Variants in SYTL5 observed in about 807,000 individuals in gnomAD.
SYTL5 encodes synaptotagmin like 5, also known as synaptotagmin-like protein 5.
Under a neutral mutation model 55.9 loss-of-function variants are expected in SYTL5, and 34 were observed. That is an observed-to-expected ratio of 0.61 (90% CI 0.46 to 0.81). The LOEUF (loss-of-function observed/expected upper bound fraction) is 0.81. Ranked by LOEUF, SYTL5 falls within the 30% of genes least tolerant of loss-of-function variation. SYTL5 has a pLI of 0.00. For synonymous variants in SYTL5, 221 were observed against 188.7 expected (o/e 1.17, Z -1.40); for missense variants, 637 against 546.7 (o/e 1.17, Z -1.65).
chrX:38,077,002 A>G (rs977405851), intron 6 of SYTL5, among the ~76,000 whole-genome samples: 2 of 112,003 alleles, frequency 1.8e-5, no homozygotes, highest in Non-Finnish European at 3.8e-5. Flanking sequence ...TGACTTCTTG[A>G]GCTTTTTCTA....
chrX:37,903,141 G>T, the SYTL5 span, among the ~76,000 whole-genome samples: 1 of 111,137 alleles, frequency 9.0e-6, no homozygotes, highest in Non-Finnish European at 1.9e-5. Context: ...AGTCAGTGTG[G>T]CGATTCCTCA....
the SYTL5 span, among the ~76,000 whole-genome samples, chrX:37,927,028 T>C: frequency 2.7e-5 from 3 of 111,952 alleles, no homozygotes; most frequent in Admixed American, 9.5e-5. Flanking sequence ...AAGCCTGTAT[T>C]GAATCTTCTT....
the SYTL5 span, among the ~76,000 whole-genome samples, chrX:37,911,836 T>C: frequency 2.7e-5 from 3 of 112,230 alleles, no homozygotes; most frequent in East Asian, 8.3e-4. Flanking sequence ...ATGTATATTG[T>C]ATACACACAG....
chrX:38,120,363 G>T lies in SYTL5; in HGVS notation c.1602G>T (p.Glu534Asp), dbSNP rs1569194277. ...ACTTGTTTCTCCTTGGCCAGGTGGA[G>T]TTTGCTCCTGATATTGGCCTTCAAT... ...DEWFVLQPKV[E>D]FAPDIGLQYK... The change falls in exon 14 of 17, where the codon GAG (glutamate) becomes GAT (aspartate). Residue 534 changes from glutamate (E) to aspartate (D), a missense_variant. Physicochemically the swap from Glu to Asp is conservative, Grantham distance 45 (BLOSUM62 2). Transcript: ENST00000297875. The T allele has an allele frequency of 1.7e-6, 2 of 1,208,011 alleles. No individual in the cohort carries two copies. Among genetic ancestry groups the T allele is most frequent in the South Asian group, 1.8e-5 (1 of 56,865 alleles).
chrX:37,897,027 C>T, the SYTL5 span, among the ~76,000 whole-genome samples: 1 of 111,411 alleles, frequency 9.0e-6, no homozygotes, highest in Non-Finnish European at 1.9e-5. Flanking sequence ...TGAGAAGATA[C>T]ATTTGAACAA....
At chrX:37,894,853 C>T in the SYTL5 span, among the ~76,000 whole-genome samples, 4 of 110,538 alleles carry the variant, frequency 3.6e-5, no homozygotes, top group East Asian at 5.8e-4. Context: ...TTCTCTTGCC[C>T]GATTAGTGAC....
chrX:37,992,314 G>A, the SYTL5 span, among the ~76,000 whole-genome samples: 1 of 112,819 alleles, frequency 8.9e-6, no homozygotes, highest in Admixed American at 9.3e-5. Context: ...CCACATTTTA[G>A]GTTTCCACCT....
At position 38,031,859 on chromosome X, in the gene SYTL5, T is replaced by A. The variant is rs180807291; in HGVS notation, c.-356-1675T>A. The stretch of plus-strand genomic sequence containing the variant: ...AAACTTGGAGCACTCTGGGCCTTGT[T>A]GCCTCTAGAGCTTTCAAGATGGAGG... On this transcript the variant is annotated intron_variant, in intron 1 of 16. Transcript: ENST00000297875. Among the ~76,000 whole-genome samples, 190 of 112,385 alleles carry A rather than the reference T, an allele frequency of 1.7e-3. 1 individual carries two copies. The highest frequency in any genetic ancestry group is 3.0e-3 in the Non-Finnish European group (158 of 53,260).
At chrX:38,052,847 G>A (rs773981398) in intron 2 of SYTL5, among the ~76,000 whole-genome samples, 3 of 111,447 alleles carry the variant, frequency 2.7e-5, no homozygotes, top group African/African-American at 9.8e-5. Flanking sequence ...GAAGAGATTG[G>A]CTCAGTAGCA....
chrX:37,894,731 G>C, the SYTL5 span, among the ~76,000 whole-genome samples: 1 of 111,737 alleles, frequency 8.9e-6, no homozygotes, highest in Admixed American at 9.5e-5. Context: ...AGGGAAGCTT[G>C]CTCTCACCAA....
Position 38,054,380 on chromosome X carries a change from G to T in SYTL5, c.287G>T (p.Gly96Val), listed in dbSNP as rs1935714483. 1.7e-6 allele frequency: 2 copies of T among 1,209,576 alleles called. No homozygotes were observed. The highest frequency in any genetic ancestry group is 2.2e-5 in the Admixed American group (1 of 45,679). ...LRVCRECRVA[G>V]PNGSWKCTVC... ...GTATGCAGGGAGTGTCGAGTTGCAG[G>T]CCCCAATGGCAGCTGGAAGTGCACT... Residue 96 changes from glycine to valine, a missense_variant, in exon 3 of 17, where the codon GGC becomes GTC. Transcript: ENST00000297875.
Position 38,126,487 on chromosome X carries a change from G to C in SYTL5, c.2051-101G>C, listed in dbSNP as rs773050073. 58 of 836,911 alleles carry C rather than the reference G, an allele frequency of 6.9e-5. No homozygotes were observed. The South Asian group carries it at 1.2e-3, about 18-fold the overall frequency. The allele number at this position is 836,911 out of a possible 1,213,427, so 69.0% of individuals were successfully genotyped here. On this transcript the variant is annotated intron_variant, in intron 16 of 16. Transcript: ENST00000297875. ...ACTAAGTGAGAACAAGCCAGTAAAA[G>C]GTACTCTGGTGAAAAGGCCTGCTCA...
At chrX:37,891,898 T>A in the SYTL5 span, among the ~76,000 whole-genome samples, 1 of 111,831 alleles carries the variant, frequency 8.9e-6, no homozygotes, top group African/African-American at 3.2e-5. Flanking sequence ...CAAGGAATTC[T>A]TAGGGAAAAA....
chrX:38,028,561 G>GAAAAACA (rs1225105018), intron 1 of SYTL5, among the ~76,000 whole-genome samples: 1 of 111,819 alleles, frequency 8.9e-6, no homozygotes, highest in Non-Finnish European at 1.9e-5. Context: ...TCTTGTCTCT[G>GAAAAACA]AAAAACAAAA....
At chrX:38,089,843 G>T (rs560399400) in intron 7 of SYTL5, among the ~76,000 whole-genome samples, 13 of 111,448 alleles carry the variant, frequency 1.2e-4, no homozygotes, top group Non-Finnish European at 2.3e-4. Context: ...CTAATCATCC[G>T]CCACCAGGTC....
At chrX:37,894,410 C>T in the SYTL5 span, among the ~76,000 whole-genome samples, 1 of 111,558 alleles carries the variant, frequency 9.0e-6, no homozygotes, top group Non-Finnish European at 1.9e-5. Flanking sequence ...TATTTACACT[C>T]CACCAAGCAA....
the SYTL5 span, among the ~76,000 whole-genome samples, chrX:37,985,518 C>CAAAAGT: frequency 9.1e-6 from 1 of 110,278 alleles, no homozygotes; most frequent in African/African-American, 3.3e-5. Context: ...CATATTGTTG[C>CAAAAGT]AAAAGTAAAC....
the SYTL5 span, among the ~76,000 whole-genome samples, chrX:37,903,485 G>T: frequency 3.9e-5 from 4 of 102,406 alleles, no homozygotes; most frequent in Admixed American, 4.3e-4. Flanking sequence ...TCACTCATAG[G>T]TGGGAATTGA....
chrX:37,905,238 G>A, the SYTL5 span, among the ~76,000 whole-genome samples: 2 of 110,796 alleles, frequency 1.8e-5, no homozygotes, highest in Non-Finnish European at 3.8e-5. Context: ...CCAAGACCCA[G>A]GGGGGATATG....
Sources: allele counts gnomAD v4.1 joint callset (sites outside exome capture counted in the v4.1 genomes callset), GRCh38; gene constraint gnomAD v4.1.1; transcripts MANE v1.5; gene names NCBI Gene and HGNC (gene_info 2026-07-23, HGNC 2026-07-21).